Variants in TLR6 observed in about 807,000 individuals in gnomAD.
The protein encoded by TLR6 is toll-like receptor 6.
In TLR6, 9 loss-of-function variants were observed where a neutral mutation model predicts 16.1. That is an observed-to-expected ratio of 0.56 (90% CI 0.34 to 0.98). The LOEUF is 0.98. Among genes scored for constraint, TLR6 ranks in the 50% least tolerant of loss-of-function variants. The pLI is 0.02. For synonymous variants in TLR6, 340 were observed against 338.6 expected (o/e 1.00, Z -0.04); for missense variants, 786 against 921.0 (o/e 0.85, Z 1.90).
At chr4:38,868,098 C>A in the TLR6 span, 1 of 362,006 alleles carries the variant, frequency 2.8e-6, no homozygotes, top group Non-Finnish European at 5.9e-6. Flanking sequence ...GGTCCACGCT[C>A]ATGCACACAC....
intron 1 of TLR6, among the ~76,000 whole-genome samples, chr4:38,831,357 T>C (rs1711568439): frequency 6.7e-6 from 1 of 149,586 alleles, no homozygotes. Context: ...TTCACAAAAA[T>C]CAGCTCAAAA....
At chr4:38,849,089 A>G (rs6848545) in intron 1 of TLR6, among the ~76,000 whole-genome samples, 23,838 of 152,012 alleles carry the variant, frequency 0.16, 3,602 homozygotes, top group African/African-American at 0.38. Context: ...CTCGGCAGAA[A>G]CTCTACAAGC....
chr4:38,855,947 C>G (rs1486580260), intron 1 of TLR6, among the ~76,000 whole-genome samples: 1 of 148,980 alleles, frequency 6.7e-6, no homozygotes, highest in African/African-American at 2.5e-5. Context: ...AGCTACATTT[C>G]AGAAAAAAAG....
At chr4:38,867,903 C>A in the TLR6 span, 2 of 199,412 alleles carry the variant, frequency 1.0e-5, no homozygotes, top group East Asian at 1.3e-4. Flanking sequence ...GGCGGCTGCC[C>A]GGGGGTGGTG....
chr4:38,851,491 T>C (rs1712771273), intron 1 of TLR6, among the ~76,000 whole-genome samples: 1 of 152,206 alleles, frequency 6.6e-6, no homozygotes, highest in South Asian at 2.1e-4. Context: ...GAAAACCCCA[T>C]CGTCTCAGCC....
exon 2 of TLR6, chr4:38,827,017 A>T (rs1579235862): frequency 8.0e-7 from 1 of 1,255,176 alleles, no homozygotes; most frequent in East Asian, 2.5e-5. Flanking sequence ...ACAGTTACTT[A>T]CGACTGTACT....
the TLR6 span, among the ~76,000 whole-genome samples, chr4:38,863,575 A>T: frequency 6.6e-6 from 1 of 151,960 alleles, no homozygotes; most frequent in Admixed American, 6.6e-5. Flanking sequence ...TGATATTTCT[A>T]CTCTTCCAGT....
At chr4:38,839,974 A>G (rs1324604581) in intron 1 of TLR6, among the ~76,000 whole-genome samples, 1 of 152,222 alleles carries the variant, frequency 6.6e-6, no homozygotes, top group Non-Finnish European at 1.5e-5. Flanking sequence ...TGAAATCCTA[A>G]AAGATCAAAG....
At chr4:38,850,780 C>T (rs535883935) in intron 1 of TLR6, among the ~76,000 whole-genome samples, 1 of 152,310 alleles carries the variant, frequency 6.6e-6, no homozygotes, top group Admixed American at 6.5e-5. Flanking sequence ...GACGGATTCA[C>T]AGCTGAATTC....
At chr4:38,865,735 T>C in the TLR6 span, among the ~76,000 whole-genome samples, 1 of 152,198 alleles carries the variant, frequency 6.6e-6, no homozygotes, top group South Asian at 2.1e-4. Flanking sequence ...AGAAGCCACG[T>C]GTTAGTTAAG....
chr4:38,863,352 G>T, the TLR6 span, among the ~76,000 whole-genome samples: 2 of 152,012 alleles, frequency 1.3e-5, no homozygotes, highest in Non-Finnish European at 2.9e-5. Flanking sequence ...GAATACCCAA[G>T]ACTTAGTCTT....
At chr4:38,849,753 T>C (rs558117940) in intron 1 of TLR6, among the ~76,000 whole-genome samples, 1 of 152,234 alleles carries the variant, frequency 6.6e-6, no homozygotes, top group Non-Finnish European at 1.5e-5. Flanking sequence ...ATGCACCCAA[T>C]ACAAAGAGAC....
At chr4:38,839,311 A>T (rs10005972) in intron 1 of TLR6, among the ~76,000 whole-genome samples, 7,439 of 148,730 alleles carry the variant, frequency 0.05, 496 homozygotes, top group African/African-American at 0.15. Flanking sequence ...ATTTTTTTTT[A>T]AAAAAAATTA....
downstream of TLR6, among the ~76,000 whole-genome samples, chr4:38,823,376 T>TACTC (rs1727401105): frequency 6.6e-6 from 1 of 152,140 alleles, no homozygotes; most frequent in Admixed American, 6.6e-5. Flanking sequence ...TCTGTGTGAG[T>TACTC]GCACTCTATG....
At chr4:38,839,951 C>T (rs1712170258) in intron 1 of TLR6, among the ~76,000 whole-genome samples, 1 of 152,182 alleles carries the variant, frequency 6.6e-6, no homozygotes, top group Non-Finnish European at 1.5e-5. Context: ...CCGAAAGACA[C>T]AATCCTGAAG....
At chr4:38,830,698 G>A (rs1711529276) in intron 1 of TLR6, among the ~76,000 whole-genome samples, 2 of 152,048 alleles carry the variant, frequency 1.3e-5, no homozygotes, top group African/African-American at 4.8e-5. Context: ...CTGGGTGACA[G>A]AATGAGACCC....
exon 2 of TLR6, chr4:38,826,711 A>C: frequency 6.0e-6 from 1 of 165,530 alleles, no homozygotes; most frequent in Admixed American, 5.9e-5. Context: ...TTCACAGGGC[A>C]CTCCGAGGAC....
intron 1 of TLR6, among the ~76,000 whole-genome samples, chr4:38,835,500 T>A (rs1711864399): frequency 6.6e-6 from 1 of 152,188 alleles, no homozygotes; most frequent in African/African-American, 2.4e-5. Context: ...AAGAGAGAGA[T>A]AGACTCCAAT....
chr4:38,836,953 A>T (rs1711958222), intron 1 of TLR6, among the ~76,000 whole-genome samples: 1 of 151,842 alleles, frequency 6.6e-6, no homozygotes, highest in African/African-American at 2.4e-5. Context: ...AAAAAAAAAA[A>T]AGAAAAAAGA....
Sources: allele counts gnomAD v4.1 joint callset (sites outside exome capture counted in the v4.1 genomes callset), GRCh38; gene constraint gnomAD v4.1.1; transcripts MANE v1.5; gene names NCBI Gene and HGNC (gene_info 2026-07-23, HGNC 2026-07-21).